The following FAM81A variants were observed in gnomAD, a reference collection of about 807,000 sequenced individuals.
FAM81A encodes family with sequence similarity 81 member A.
Under a neutral mutation model 46.7 loss-of-function variants are expected in FAM81A, and 19 were observed. The observed-to-expected ratio is 0.41, with a 90% CI of 0.28 to 0.60. The LOEUF (loss-of-function observed/expected upper bound fraction) is 0.60, where lower values mean the gene tolerates loss of function less well. Among genes scored for constraint, FAM81A ranks in the 20% least tolerant of loss-of-function variants. The pLI is 0.34. For missense variants in FAM81A, 377 were observed against 453.5 expected (o/e 0.83, Z 1.53); for synonymous variants, 183 against 152.9 (o/e 1.20, Z -1.45).
intron 4 of FAM81A, among the ~76,000 whole-genome samples, chr15:59,503,661 C>T (rs1384395585): frequency 6.6e-6 from 1 of 152,142 alleles, no homozygotes; most frequent in Admixed American, 6.5e-5. Context: ...CAACCTCCGC[C>T]TCCCAGGCTC....
At chr15:59,399,239 G>A (rs1446732362) in intron 1 of FAM81A, among the ~76,000 whole-genome samples, 7 of 152,266 alleles carry the variant, frequency 4.6e-5, no homozygotes, top group African/African-American at 1.7e-4. Context: ...GGAAGGGGAA[G>A]AAAGGCATGT....
chr15:59,402,783 G>A (rs750061384), intron 2 of FAM81A, among the ~76,000 whole-genome samples: 8 of 152,022 alleles, frequency 5.3e-5, no homozygotes, highest in Non-Finnish European at 7.4e-5. Flanking sequence ...CGAACTCCTG[G>A]CCTCAAGTGA....
chr15:59,504,501 G>C (rs1221664293), intron 4 of FAM81A, among the ~76,000 whole-genome samples: 1 of 152,172 alleles, frequency 6.6e-6, no homozygotes, highest in East Asian at 1.9e-4. Flanking sequence ...GAGTCTATAA[G>C]AAAGTTGGAA....
intron 3 of FAM81A, among the ~76,000 whole-genome samples, chr15:59,479,656 C>T (rs998413852): frequency 6.0e-5 from 9 of 151,218 alleles, no homozygotes; most frequent in Non-Finnish European, 1.0e-4. Context: ...CACTCCAGAG[C>T]GAGGGCAGTT....
intron 3 of FAM81A, among the ~76,000 whole-genome samples, chr15:59,489,720 G>A (rs539249089): frequency 6.6e-6 from 1 of 152,230 alleles, no homozygotes; most frequent in East Asian, 1.9e-4. Flanking sequence ...ATAGACCAAT[G>A]GAGCAGAATA....
chr15:59,507,498 A>G (rs1182208786), intron 5 of FAM81A, among the ~76,000 whole-genome samples, 156 bp downstream of exon 5: 5 of 152,094 alleles, frequency 3.3e-5, no homozygotes, highest in Admixed American at 1.3e-4. Context: ...TTCCTTTCCT[A>G]TTTCACTAGA....
intron 2 of FAM81A, among the ~76,000 whole-genome samples, chr15:59,402,581 TC>T (rs1473631092): frequency 6.6e-6 from 1 of 152,134 alleles, no homozygotes; most frequent in East Asian, 1.9e-4. Flanking sequence ...CACTCTGTCT[TC>T]CAGGTTGGAG....
chr15:59,401,133 G>T (rs1292558483), intron 1 of FAM81A: 1 of 698,802 alleles, frequency 1.4e-6, no homozygotes, highest in South Asian at 1.5e-5. Context: ...GACATGTATG[G>T]CTGTTTGGTA....
intron 1 of FAM81A, chr15:59,445,531 G>C: frequency 6.6e-6 from 1 of 152,110 alleles, no homozygotes; most frequent in Non-Finnish European, 1.5e-5. Flanking sequence ...TACTCAAGTC[G>C]TTACTCCACG....
chr15:59,477,488 A>T (rs2081787300), intron 3 of FAM81A, among the ~76,000 whole-genome samples: 1 of 152,212 alleles, frequency 6.6e-6, no homozygotes, highest in Non-Finnish European at 1.5e-5. Context: ...AGATATATTA[A>T]CACTGTATCT....
At chr15:59,414,939 C>T (rs968942388) in intron 2 of FAM81A, among the ~76,000 whole-genome samples, 5 of 151,782 alleles carry the variant, frequency 3.3e-5, no homozygotes, top group African/African-American at 1.2e-4. Context: ...CCTCAGCCTC[C>T]CAAGTAGCTG....
chr15:59,467,314 C>T (rs141637520), intron 3 of FAM81A, among the ~76,000 whole-genome samples: 1,716 of 152,188 alleles, frequency 0.011, 16 homozygotes, highest in Non-Finnish European at 0.019. Flanking sequence ...GCCATTTTCA[C>T]GATATTGATT....
At chr15:59,450,502 A>G (rs1275011949) in intron 1 of FAM81A, among the ~76,000 whole-genome samples, 3 of 152,176 alleles carry the variant, frequency 2.0e-5, no homozygotes, top group African/African-American at 4.8e-5. Flanking sequence ...AAGTGGTAGT[A>G]TCAATTCACA....
At chr15:59,427,741 TC>T (rs1355567024) in intron 2 of FAM81A, among the ~76,000 whole-genome samples, 6 of 152,242 alleles carry the variant, frequency 3.9e-5, no homozygotes, top group Admixed American at 2.6e-4. Flanking sequence ...AGGATCTCAT[TC>T]TTTTTTATGG....
At chr15:59,517,363 A>G (rs2082278535) in intron 8 of FAM81A, among the ~76,000 whole-genome samples, 1 of 152,180 alleles carries the variant, frequency 6.6e-6, no homozygotes, top group African/African-American at 2.4e-5. Flanking sequence ...GAACTCAGGA[A>G]TACAGAACTG....
chr15:59,422,231 A>T (rs1442682315), intron 2 of FAM81A, among the ~76,000 whole-genome samples: 9 of 152,046 alleles, frequency 5.9e-5, no homozygotes, highest in African/African-American at 2.2e-4. Context: ...TACACAAAAT[A>T]AAAAGAATTA....
intron 3 of FAM81A, among the ~76,000 whole-genome samples, chr15:59,477,092 C>T (rs1319071285): frequency 6.6e-6 from 1 of 151,464 alleles, no homozygotes; most frequent in Non-Finnish European, 1.5e-5. Context: ...TGCCCTCCAG[C>T]CTGGGCAACA....
At chr15:59,402,869 A>C (rs891721858) in intron 2 of FAM81A, among the ~76,000 whole-genome samples, 1 of 152,050 alleles carries the variant, frequency 6.6e-6, no homozygotes, top group Non-Finnish European at 1.5e-5. Context: ...TCCTTTTACA[A>C]TATGCTTTAA....
chr15:59,415,679 C>A (rs1193729045), intron 2 of FAM81A, among the ~76,000 whole-genome samples: 1 of 152,174 alleles, frequency 6.6e-6, no homozygotes, highest in Non-Finnish European at 1.5e-5. Flanking sequence ...CTATCTTAGA[C>A]CCCTGACCTG....
Sources: gnomAD v4.1 joint callset for allele counts (sites outside exome capture counted in the v4.1 genomes callset) on GRCh38, gnomAD v4.1.1 for gene constraint, MANE v1.5 for transcripts, NCBI Gene and HGNC (gene_info 2026-07-23, HGNC 2026-07-21) for gene names.